Variants in TMEM266 observed in about 807,000 individuals in gnomAD.
TMEM266 encodes Hv1 related protein 1.
TMEM266 carries 33 observed loss-of-function variants against 50.5 expected under a neutral mutation model. That is an observed-to-expected ratio of 0.65 (90% CI 0.50 to 0.87). The LOEUF (loss-of-function observed/expected upper bound fraction) is 0.87, where lower values mean the gene tolerates loss of function less well. Ranked by LOEUF, TMEM266 falls within the 40% of genes least tolerant of loss-of-function variation. The pLI, the probability that TMEM266 is intolerant of heterozygous loss-of-function variation, is 0.00. For missense variants in TMEM266, 655 were observed against 695.1 expected, an observed-to-expected ratio of 0.94 and a Z score of 0.65; for synonymous variants, 310 against 292.3, an observed-to-expected ratio of 1.06 and a Z score of -0.62.
intron 1 of TMEM266, among the ~76,000 whole-genome samples, chr15:76,131,362 G>A (rs1300301614): frequency 6.6e-6 from 1 of 152,200 alleles, no homozygotes; most frequent in Non-Finnish European, 1.5e-5. Context: ...CAACAAGAGC[G>A]AAACTCTGTC....
At chr15:76,129,078 A>AGTCT (rs3068732) in intron 1 of TMEM266, among the ~76,000 whole-genome samples, 64,688 of 151,744 alleles carry the variant, frequency 0.43, 15,273 homozygotes, top group East Asian at 0.65. Context: ...GAGGAGGGAA[A>AGTCT]GTCTGAATAG....
intron 1 of TMEM266, among the ~76,000 whole-genome samples, chr15:76,085,271 T>TA (rs2036759024): frequency 6.6e-6 from 1 of 151,566 alleles, no homozygotes; most frequent in African/African-American, 2.4e-5. Context: ...TCTTTTTTTT[T>TA]TTTTGAGACG....
intron 2 of TMEM266, among the ~76,000 whole-genome samples, chr15:76,136,973 C>T (rs1439370581): frequency 6.6e-6 from 1 of 152,206 alleles, no homozygotes; most frequent in Non-Finnish European, 1.5e-5. Flanking sequence ...CCCGGGAATG[C>T]CACTGGAGTG....
intron 1 of TMEM266, among the ~76,000 whole-genome samples, chr15:76,127,052 G>T (rs922250406): frequency 2.6e-5 from 4 of 151,948 alleles, no homozygotes; most frequent in Admixed American, 2.6e-4. Flanking sequence ...ACTAATAATG[G>T]TCAATAACAA....
intron 3 of TMEM266, among the ~76,000 whole-genome samples, chr15:76,145,287 G>A (rs1246476419): frequency 6.6e-6 from 1 of 152,048 alleles, no homozygotes; most frequent in Non-Finnish European, 1.5e-5. Context: ...TGTACACTTC[G>A]GCTTATTTAC....
intron 1 of TMEM266, among the ~76,000 whole-genome samples, chr15:76,067,632 CAA>C (rs1161784184): frequency 1.5e-5 from 1 of 67,464 alleles, no homozygotes; most frequent in Non-Finnish European, 3.2e-5. Context: ...GGCTGCGTCT[CAA>C]AAAAAAAAAA....
intron 1 of TMEM266, among the ~76,000 whole-genome samples, chr15:76,077,298 A>T (rs551972309): frequency 1.8e-3 from 281 of 152,128 alleles, no homozygotes; most frequent in Middle Eastern, 0.01. Flanking sequence ...TCAATTATGC[A>T]TAGTGATGGT....
chr15:76,127,913 G>A (rs1423365640), intron 1 of TMEM266, among the ~76,000 whole-genome samples: 1 of 152,134 alleles, frequency 6.6e-6, no homozygotes, highest in East Asian at 1.9e-4. Context: ...GAACACTCCA[G>A]ACATACTAAA....
chr15:76,100,933 A>C (rs142231159), intron 1 of TMEM266, among the ~76,000 whole-genome samples: 1 of 152,280 alleles, frequency 6.6e-6, no homozygotes, highest in African/African-American at 2.4e-5. Context: ...TAGGACTTGT[A>C]TCAGCTTAGG....
At chr15:76,184,139 G>A (rs933121807) in intron 8 of TMEM266, among the ~76,000 whole-genome samples, 1 of 152,226 alleles carries the variant, frequency 6.6e-6, no homozygotes, top group African/African-American at 2.4e-5. Flanking sequence ...GGGGCTTGAG[G>A]CTGGCTCATT....
intron 3 of TMEM266, among the ~76,000 whole-genome samples, chr15:76,144,832 C>G (rs775063427): frequency 1.3e-5 from 2 of 152,204 alleles, no homozygotes; most frequent in East Asian, 1.9e-4. Context: ...GGGGAGGTAT[C>G]TGCACCCCAG....
chr15:76,161,670 G>A lies in TMEM266; in HGVS notation c.456+1502G>A, dbSNP rs531259926. 1.9e-3 allele frequency among the ~76,000 whole-genome samples: 295 copies of A among 152,278 alleles called. 1 individual carries two copies. The highest frequency in any genetic ancestry group is 6.8e-3 in the African/African-American group (284 of 41,552). On this transcript the variant is annotated intron_variant, in intron 5 of 10. Transcript: ENST00000388942. This position sits in a 1 kb window ranked among gnomAD's most constrained non-coding sequence, Gnocchi z 4.1. Reference sequence around the variant, plus strand: ...GAGGCTCAGATGGAGGGGGCAGATCGCAGCACTGCCCTCCCAGAAGGGGTC... The same window carrying A: ...GAGGCTCAGATGGAGGGGGCAGATCACAGCACTGCCCTCCCAGAAGGGGTC...
At chr15:76,136,348 T>G (rs2037588596) in intron 2 of TMEM266, among the ~76,000 whole-genome samples, 1 of 152,220 alleles carries the variant, frequency 6.6e-6, no homozygotes, top group African/African-American at 2.4e-5. Flanking sequence ...TCCTCCGATC[T>G]TCTCCATATG....
At chr15:76,093,733 G>A (rs1303766529) in intron 1 of TMEM266, among the ~76,000 whole-genome samples, 2 of 141,958 alleles carry the variant, frequency 1.4e-5, no homozygotes, top group African/African-American at 5.0e-5. Flanking sequence ...CCCACCAACA[G>A]TGTAAAAAGC....
intron 10 of TMEM266, among the ~76,000 whole-genome samples, chr15:76,203,374 C>A (rs959245512): frequency 1.2e-4 from 18 of 152,332 alleles, no homozygotes; most frequent in African/African-American, 3.8e-4. Flanking sequence ...CCTGGGTCAT[C>A]ACTGTTACTC....
chr15:76,091,720 G>T (rs2036851003), intron 1 of TMEM266, among the ~76,000 whole-genome samples: 1 of 151,948 alleles, frequency 6.6e-6, no homozygotes, highest in African/African-American at 2.4e-5. Context: ...TGGGCGCAGT[G>T]GCTCACACCT....
At chr15:76,085,965 T>C (rs1378551712) in intron 1 of TMEM266, among the ~76,000 whole-genome samples, 1 of 151,902 alleles carries the variant, frequency 6.6e-6, no homozygotes, top group East Asian at 1.9e-4. Flanking sequence ...GGATAATTGA[T>C]TGAACCTGGG....
chr15:76,165,790 A>G (rs1221435751), intron 5 of TMEM266, among the ~76,000 whole-genome samples: 1 of 152,236 alleles, frequency 6.6e-6, no homozygotes, highest in African/African-American at 2.4e-5. Flanking sequence ...TCAGGTGGTT[A>G]GTAAGGAATG....
chr15:76,081,681 C>T (rs1022608475), intron 1 of TMEM266, among the ~76,000 whole-genome samples: 4 of 152,164 alleles, frequency 2.6e-5, no homozygotes, highest in African/African-American at 7.2e-5. Context: ...ATCTGTAAAT[C>T]GGGTCTGTAT....
Sources: gnomAD v4.1 joint callset for allele counts (sites outside exome capture counted in the v4.1 genomes callset) on GRCh38, gnomAD v4.1.1 for gene constraint, Gnocchi (gnomAD v3.1) non-coding constraint, MANE v1.5 for transcripts, NCBI Gene and HGNC (gene_info 2026-07-23, HGNC 2026-07-21) for gene names.